The following KAZN variants were observed in gnomAD, a reference collection of about 807,000 sequenced individuals.
KAZN encodes kazrin.
Under a neutral mutation model 87.4 loss-of-function variants are expected in KAZN, and 40 were observed. The observed-to-expected ratio is 0.46, with a 90% CI of 0.36 to 0.60. The LOEUF is 0.60. Ranked by LOEUF, KAZN falls within the 20% of genes least tolerant of loss-of-function variation. The pLI is 0.00. For missense variants in KAZN, 898 were observed against 1,073.9 expected (o/e 0.84, Z 2.29); for synonymous variants, 466 against 458.3 (o/e 1.02, Z -0.22).
At chr1:14,449,701 G>T (rs1667164079) in intron 2 of KAZN, among the ~76,000 whole-genome samples, 1 of 152,124 alleles carries the variant, frequency 6.6e-6, no homozygotes, top group South Asian at 2.1e-4. Flanking sequence ...TAGGATGAGG[G>T]CTGACTTTGA....
intron 1 of KAZN, among the ~76,000 whole-genome samples, chr1:14,730,137 G>T (rs1450039397): frequency 6.6e-6 from 1 of 152,132 alleles, no homozygotes; most frequent in Admixed American, 6.5e-5. Flanking sequence ...AGGCTGGAGT[G>T]CAGTGGCGCG....
intron 2 of KAZN, among the ~76,000 whole-genome samples, chr1:14,970,284 T>C (rs528598039): frequency 1.3e-5 from 2 of 152,354 alleles, no homozygotes; most frequent in African/African-American, 2.4e-5. Context: ...TCTTGTGTCG[T>C]GCTTGCTGAT....
chr1:14,351,018 C>T (rs1658509291), intron 2 of KAZN: 1 of 152,208 alleles, frequency 6.6e-6, no homozygotes. Flanking sequence ...TTTGTTGATA[C>T]ATAAGACCTG....
At chr1:14,490,890 T>C (rs1010065003) in intron 2 of KAZN, among the ~76,000 whole-genome samples, 4 of 152,224 alleles carry the variant, frequency 2.6e-5, no homozygotes, top group Non-Finnish European at 2.9e-5. Context: ...TTCCCATCTG[T>C]TCATTTTTCC....
At chr1:14,994,080 G>T (rs1573007253) in intron 2 of KAZN, among the ~76,000 whole-genome samples, 2 of 152,344 alleles carry the variant, frequency 1.3e-5, no homozygotes, top group South Asian at 4.1e-4. Flanking sequence ...TGATCCCTGG[G>T]CCCCCAGGCC....
intron 2 of KAZN, among the ~76,000 whole-genome samples, chr1:14,456,474 A>G (rs1667573242): frequency 6.6e-6 from 1 of 151,966 alleles, no homozygotes; most frequent in Non-Finnish European, 1.5e-5. Context: ...TTCTTACAAG[A>G]TATGTATTGT....
intron 1 of KAZN, among the ~76,000 whole-genome samples, chr1:13,903,914 G>A (rs1235761034): frequency 6.6e-6 from 1 of 152,176 alleles, no homozygotes; most frequent in African/African-American, 2.4e-5. Flanking sequence ...GTCCCTCTGA[G>A]TCCCTGGGTG....
chr1:15,112,686 C>G, intron 14 of KAZN, 145 bp downstream of exon 14: 3 of 587,950 alleles, frequency 5.1e-6, no homozygotes, highest in Non-Finnish European at 9.3e-6. Flanking sequence ...GACAGATGCC[C>G]TGGATGTACC....
chr1:14,952,240 CTGTGTGTGTGTGTG>C (rs56104480), intron 1 of KAZN, among the ~76,000 whole-genome samples: 5 of 143,916 alleles, frequency 3.5e-5, no homozygotes, highest in Admixed American at 6.9e-5. Context: ...TTCTTTCCCA[CTGTGTGTGTGTGTG>C]TGTGTGTGTG....
At chr1:14,363,667 G>A (rs997672138) in intron 2 of KAZN, among the ~76,000 whole-genome samples, 3 of 152,144 alleles carry the variant, frequency 2.0e-5, no homozygotes, top group South Asian at 4.1e-4. Flanking sequence ...CAGCAGCTGG[G>A]TTTTTTATGA....
At chr1:14,021,121 T>C (rs564639103) in intron 1 of KAZN, among the ~76,000 whole-genome samples, 7 of 152,352 alleles carry the variant, frequency 4.6e-5, no homozygotes, top group African/African-American at 1.7e-4. Context: ...TTGTCTGGTA[T>C]GTGGGAGTTG....
chr1:14,098,997 G>A (rs1644189260), intron 1 of KAZN, among the ~76,000 whole-genome samples: 1 of 152,116 alleles, frequency 6.6e-6, no homozygotes, highest in Non-Finnish European at 1.5e-5. Flanking sequence ...TCAGGGTTTA[G>A]GGTTTGGAGC....
chr1:14,739,608 T>G (rs757182899), intron 1 of KAZN, among the ~76,000 whole-genome samples: 1 of 151,980 alleles, frequency 6.6e-6, no homozygotes, highest in Non-Finnish European at 1.5e-5. Context: ...TTTTCTCACT[T>G]GAGGACGCTT....
At chr1:14,892,386 C>T (rs1360660840) in intron 1 of KAZN, among the ~76,000 whole-genome samples, 2 of 151,856 alleles carry the variant, frequency 1.3e-5, no homozygotes, top group African/African-American at 4.8e-5. Context: ...CTCTTTTTCC[C>T]TCTCTCTCTC....
At chr1:15,005,981 TC>T (rs1158857909) in intron 2 of KAZN, among the ~76,000 whole-genome samples, 3 of 152,028 alleles carry the variant, frequency 2.0e-5, no homozygotes, top group African/African-American at 7.2e-5. Context: ...TGCAGGCAGC[TC>T]TTAGGATGGC....
intron 1 of KAZN, among the ~76,000 whole-genome samples, chr1:14,124,017 G>A (rs754784452): frequency 6.6e-6 from 1 of 152,114 alleles, no homozygotes. Context: ...TCCGACCCAG[G>A]TAAGGGTCTA....
intron 2 of KAZN, among the ~76,000 whole-genome samples, chr1:14,337,968 A>G (rs1194321046): frequency 6.6e-6 from 1 of 150,708 alleles, no homozygotes; most frequent in African/African-American, 2.4e-5. Context: ...GTCACTCTTG[A>G]TTTTCTCCAG....
At chr1:14,118,603 T>G (rs1295704265) in intron 1 of KAZN, among the ~76,000 whole-genome samples, 1 of 152,268 alleles carries the variant, frequency 6.6e-6, no homozygotes, top group Non-Finnish European at 1.5e-5. Flanking sequence ...CCTTACATGC[T>G]GACCACAGAT....
chr1:14,750,962 ATCACTG>A (rs1644398296), intron 1 of KAZN, among the ~76,000 whole-genome samples: 1 of 152,206 alleles, frequency 6.6e-6, no homozygotes. Flanking sequence ...GCAAGGGCTG[ATCACTG>A]TAGGGCTCAG....
Sources: allele counts gnomAD v4.1 joint callset (sites outside exome capture counted in the v4.1 genomes callset), GRCh38; gene constraint gnomAD v4.1.1; transcripts MANE v1.5; gene names NCBI Gene and HGNC (gene_info 2026-07-23, HGNC 2026-07-21).